Variants in STARD13 observed in about 807,000 individuals in gnomAD.
STARD13 encodes stAR-related lipid transfer protein 13.
Under a neutral mutation model 106.4 loss-of-function variants are expected in STARD13, and 62 were observed. That is an observed-to-expected ratio of 0.58 (90% CI 0.48 to 0.72). The LOEUF is 0.72. Among genes scored for constraint, STARD13 ranks in the 30% least tolerant of loss-of-function variants. STARD13 has a pLI of 0.00. For missense variants in STARD13, 1,387 were observed against 1,424.0 expected, an observed-to-expected ratio of 0.97 and a Z score of 0.42; for synonymous variants, 565 against 553.0, an observed-to-expected ratio of 1.02 and a Z score of -0.31.
rs187453744 is a variant in STARD13 at position 33,296,911 on chromosome 13, G to A, written c.124+53379C>T. ...TGGGATTATAGGCATGAGCCACTGC[G>A]CCCGGCCGAGTTCAACTTTTTAAAA... On this transcript the variant is annotated intron_variant, in intron 1 of 5. Transcript: ENST00000567873. Among the ~76,000 whole-genome samples, 826 of 152,302 alleles carry A rather than the reference G, an allele frequency of 5.4e-3. 4 individuals carry two copies. The highest frequency in any genetic ancestry group is 0.014 in the Middle Eastern group (4 of 294).
chr13:33,488,214 G>T, the STARD13 span, among the ~76,000 whole-genome samples: 14 of 152,070 alleles, frequency 9.2e-5, no homozygotes, highest in South Asian at 2.9e-3. Context: ...GAAGACCCAG[G>T]CTGCCAAATC....
At chr13:33,637,959 C>G in the STARD13 span, among the ~76,000 whole-genome samples, 1 of 152,116 alleles carries the variant, frequency 6.6e-6, no homozygotes, top group African/African-American at 2.4e-5. Flanking sequence ...TAAAAAAATT[C>G]ATGAAACATC....
chr13:33,570,935 G>C, the STARD13 span, among the ~76,000 whole-genome samples: 5 of 152,140 alleles, frequency 3.3e-5, no homozygotes, highest in African/African-American at 1.2e-4. Context: ...AGAAAGATAT[G>C]GCTTGAGGGA....
chr13:33,359,140 G>A, the STARD13 span, among the ~76,000 whole-genome samples: 1 of 35,280 alleles, frequency 2.8e-5, no homozygotes, highest in Admixed American at 4.5e-4. Context: ...CCACACTGTG[G>A]AAGCGTTGTT....
chr13:33,507,372 T>G, the STARD13 span, among the ~76,000 whole-genome samples: 1 of 152,178 alleles, frequency 6.6e-6, no homozygotes, highest in African/African-American at 2.4e-5. Context: ...TTACATTAAC[T>G]TTTTGGGATT....
chr13:33,541,750 CAGG>C, the STARD13 span, among the ~76,000 whole-genome samples: 56 of 152,254 alleles, frequency 3.7e-4, no homozygotes, highest in East Asian at 1.2e-3. Context: ...AGAAATTTTC[CAGG>C]AGAACTGAGC....
the STARD13 span, among the ~76,000 whole-genome samples, chr13:33,579,354 G>A: frequency 6.6e-6 from 1 of 152,036 alleles, no homozygotes; most frequent in Admixed American, 6.6e-5. Flanking sequence ...CAACTCGGAT[G>A]GAGCTGGAGG....
At chr13:33,233,961 C>A (rs1413611843) in intron 1 of STARD13, among the ~76,000 whole-genome samples, 1 of 152,188 alleles carries the variant, frequency 6.6e-6, no homozygotes, top group East Asian at 1.9e-4. Context: ...GGTGGGGTGC[C>A]CCTTCTATGA....
intron 1 of STARD13, among the ~76,000 whole-genome samples, chr13:33,190,409 A>C (rs1212573942): frequency 1.3e-5 from 2 of 152,174 alleles, no homozygotes; most frequent in Admixed American, 6.5e-5. Flanking sequence ...TCACAGAGAA[A>C]GACCCTGTCT....
At chr13:33,298,972 G>A (rs373583583) in intron 1 of STARD13, among the ~76,000 whole-genome samples, 1 of 152,170 alleles carries the variant, frequency 6.6e-6, no homozygotes, top group Non-Finnish European at 1.5e-5. Context: ...TAAAAATACA[G>A]TCTTACACCA....
intron 1 of STARD13, among the ~76,000 whole-genome samples, chr13:33,291,378 C>CT (rs1892287707): frequency 6.6e-6 from 1 of 152,286 alleles, no homozygotes; most frequent in Admixed American, 6.5e-5. Context: ...TGACTGCTCT[C>CT]TTTTGGATCT....
the STARD13 span, among the ~76,000 whole-genome samples, chr13:33,587,868 A>G: frequency 3.3e-5 from 5 of 152,372 alleles, no homozygotes; most frequent in South Asian, 1.0e-3. Flanking sequence ...AGAAGTGTAT[A>G]AAAATCTCAC....
intron 1 of STARD13, among the ~76,000 whole-genome samples, chr13:33,228,941 A>G (rs1272951996): frequency 6.6e-6 from 1 of 152,244 alleles, no homozygotes; most frequent in Non-Finnish European, 1.5e-5. Context: ...CCAAGATACC[A>G]AATTGCAAAA....
chr13:33,571,938 C>A, the STARD13 span, among the ~76,000 whole-genome samples: 8 of 152,112 alleles, frequency 5.3e-5, no homozygotes, highest in Non-Finnish European at 1.0e-4. Flanking sequence ...AAGAAAATAA[C>A]CAGGGAATTT....
upstream of STARD13, among the ~76,000 whole-genome samples, chr13:33,290,752 T>C (rs2138431709): frequency 6.6e-6 from 1 of 152,382 alleles, no homozygotes; most frequent in South Asian, 2.1e-4. Flanking sequence ...CATATGACAG[T>C]AACCTGGTCT....
intron 1 of STARD13, chr13:33,281,117 T>A (rs1276154717): frequency 6.6e-6 from 1 of 152,034 alleles, no homozygotes; most frequent in African/African-American, 2.4e-5. Flanking sequence ...TTCCAGAACC[T>A]GAGACACAGA....
At chr13:33,463,577 T>G in the STARD13 span, among the ~76,000 whole-genome samples, 99 of 152,244 alleles carry the variant, frequency 6.5e-4, 1 homozygote, top group African/African-American at 8.7e-4. Context: ...GCCTCCTACC[T>G]CAGAAGTGCC....
chr13:33,137,939 G>A (rs1348410929), intron 4 of STARD13, among the ~76,000 whole-genome samples: 1 of 152,122 alleles, frequency 6.6e-6, no homozygotes, highest in East Asian at 1.9e-4. Flanking sequence ...GGTGGGTGGG[G>A]GGCCAGGCCC....
intron 1 of STARD13, among the ~76,000 whole-genome samples, chr13:33,291,493 T>G (rs1356852937): frequency 6.6e-6 from 1 of 152,240 alleles, no homozygotes; most frequent in East Asian, 1.9e-4. Context: ...TGTGTGCATA[T>G]TTCCTGCATT....
Sources: gnomAD v4.1 joint callset for allele counts (sites outside exome capture counted in the v4.1 genomes callset) on GRCh38, gnomAD v4.1.1 for gene constraint, MANE v1.5 for transcripts, NCBI Gene and HGNC (gene_info 2026-07-23, HGNC 2026-07-21) for gene names.